Variants in PLXNA4 observed in about 807,000 individuals in gnomAD.
PLXNA4 encodes the protein plexin-A4.
A neutral mutation model predicts 191.8 loss-of-function variants in PLXNA4; 44 were observed. The ratio of observed to expected loss-of-function variants is 0.23; its 90% CI spans 0.18 to 0.29. The LOEUF (loss-of-function observed/expected upper bound fraction) is 0.29. PLXNA4 is among the 10% of genes least tolerant of loss of function. The probability of loss-of-function intolerance (pLI) is 1.00; values close to 1 mark genes in which losing one functional copy is unlikely to be tolerated. For missense variants in PLXNA4, 1,800 were observed against 2,488.8 expected (o/e 0.72, Z 5.89); for synonymous variants, 1,082 against 1,009.5 (o/e 1.07, Z -1.36).
intron 5 of PLXNA4, among the ~76,000 whole-genome samples, chr7:132,234,898 C>G (rs906632548): frequency 2.6e-5 from 4 of 152,104 alleles, no homozygotes; most frequent in African/African-American, 2.4e-5. Flanking sequence ...GTGCAAGCAG[C>G]CCTAGGAGAG....
In PLXNA4 at chr7:132,574,031, C is replaced by T. The variant is rs535872618; in HGVS notation, c.-87+2391G>A. On this transcript the variant is annotated intron_variant, in intron 1 of 31. Transcript: ENST00000321063. ...AGCCAGGAAAACGTAATGTATACTC[C>T]GCTTTACAGAGATGTTAATTAATGC... Among the ~76,000 whole-genome samples the T allele has an allele frequency of 5.9e-5, 9 of 152,290 alleles. No individual in the cohort carries two copies. In the South Asian group the frequency reaches 8.3e-4, roughly 14 times the overall value.
At chr7:132,467,644 G>A (rs1796760062) in intron 3 of PLXNA4, among the ~76,000 whole-genome samples, 1 of 152,210 alleles carries the variant, frequency 6.6e-6, no homozygotes, top group African/African-American at 2.4e-5. Flanking sequence ...CAAAGTAACT[G>A]CCAAAGATCA....
intron 5 of PLXNA4, among the ~76,000 whole-genome samples, chr7:132,231,751 G>C (rs1171897777): frequency 6.6e-6 from 1 of 152,180 alleles, no homozygotes; most frequent in Non-Finnish European, 1.5e-5. Flanking sequence ...CTCCATGACT[G>C]GCCCTTGGGG....
At chr7:132,143,759 G>A (rs762824273) in intron 29 of PLXNA4, among the ~76,000 whole-genome samples, 22 of 152,266 alleles carry the variant, frequency 1.4e-4, no homozygotes, top group African/African-American at 3.9e-4. Context: ...GGAGGAAATC[G>A]CATCACAAAG....
intron 19 of PLXNA4, 132 bp from the exon 20 acceptor site, chr7:132,180,053 A>C (rs1415465990): frequency 3.5e-6 from 5 of 1,418,040 alleles, no homozygotes; most frequent in Non-Finnish European, 4.6e-6. Flanking sequence ...GTCAAAATAG[A>C]CAAGAGGGCA....
chr7:132,173,660 C>T (rs1457404820), intron 21 of PLXNA4, among the ~76,000 whole-genome samples: 2 of 152,252 alleles, frequency 1.3e-5, no homozygotes, highest in African/African-American at 2.4e-5. Context: ...CTACTACATT[C>T]CCTTGGACAG....
At chr7:132,487,357 C>T (rs1252658796) in intron 3 of PLXNA4, among the ~76,000 whole-genome samples, 1 of 152,130 alleles carries the variant, frequency 6.6e-6, no homozygotes, top group Non-Finnish European at 1.5e-5. Flanking sequence ...TTAAAGCATC[C>T]CCCATACTGC....
intron 3 of PLXNA4, among the ~76,000 whole-genome samples, chr7:132,469,925 C>A (rs565936808): frequency 6.6e-6 from 1 of 152,256 alleles, no homozygotes; most frequent in East Asian, 1.9e-4. Context: ...GTGGTGACTC[C>A]CCTTTGGGAG....
intron 24 of PLXNA4, among the ~76,000 whole-genome samples, chr7:132,160,607 G>T (rs1241531185): frequency 2.0e-5 from 3 of 152,122 alleles, no homozygotes; most frequent in Admixed American, 1.3e-4. Context: ...AGGCAGAGAG[G>T]CTGGGCATCC....
chr7:132,155,454 C>A (rs1384315990), intron 25 of PLXNA4, among the ~76,000 whole-genome samples: 1 of 152,212 alleles, frequency 6.6e-6, no homozygotes, highest in Non-Finnish European at 1.5e-5. Flanking sequence ...AAGTGGGGAA[C>A]ATCTCCTAGG....
intron 2 of PLXNA4, among the ~76,000 whole-genome samples, chr7:132,601,053 CT>C (rs978319396): frequency 1.3e-5 from 2 of 152,160 alleles, no homozygotes; most frequent in East Asian, 3.9e-4. Flanking sequence ...TACACAGAAA[CT>C]TTTTTCTATC....
At chr7:132,243,725 T>C (rs1287242571) in intron 4 of PLXNA4, among the ~76,000 whole-genome samples, 1 of 149,904 alleles carries the variant, frequency 6.7e-6, no homozygotes, top group Admixed American at 6.7e-5. Context: ...AATGGTTTTG[T>C]AAATGGTCTG....
chr7:132,285,377 A>G (rs1800646480), intron 4 of PLXNA4, among the ~76,000 whole-genome samples: 1 of 152,196 alleles, frequency 6.6e-6, no homozygotes, highest in Non-Finnish European at 1.5e-5. Flanking sequence ...GGAGAAGGAT[A>G]TATTCTCTAC....
chr7:132,360,657 C>G (rs1210970372), intron 3 of PLXNA4, among the ~76,000 whole-genome samples: 1 of 152,162 alleles, frequency 6.6e-6, no homozygotes, highest in African/African-American at 2.4e-5. Context: ...AGAAGAGGCC[C>G]CAAACCCCCC....
intron 25 of PLXNA4, among the ~76,000 whole-genome samples, chr7:132,151,282 G>GAGGAGGAGGAAGAAGA (rs1179751095): frequency 1.3e-5 from 1 of 79,214 alleles, no homozygotes; most frequent in Admixed American, 1.4e-4. Context: ...GAAGAAGGAG[G>GAGGAGGAGGAAGAAGA]AGGAGGAGGA....
intron 4 of PLXNA4, among the ~76,000 whole-genome samples, chr7:132,280,731 C>T (rs1800449779): frequency 6.6e-6 from 1 of 152,172 alleles, no homozygotes; most frequent in Non-Finnish European, 1.5e-5. Flanking sequence ...TGAGTCTACA[C>T]AACAAACTCT....
rs540009834 is a variant in PLXNA4, at chr7:132,556,368, C to G, written c.-87+20054G>C. On this transcript the variant is annotated intron_variant, in intron 1 of 31. Transcript: ENST00000321063. ...ACTAGTTGAGGCAGACAGCAGGATCCACACTGAGCTTCAAAAACAGGCTGT... is the reference window on the plus strand; with the variant it reads ...ACTAGTTGAGGCAGACAGCAGGATCGACACTGAGCTTCAAAAACAGGCTGT... 5.9e-5 allele frequency among the ~76,000 whole-genome samples: 9 copies of G among 152,158 alleles called. No homozygotes were observed. In the South Asian group the frequency reaches 1.7e-3, roughly 28 times the overall value.
At chr7:132,228,948 C>T (rs1282756521) in intron 5 of PLXNA4, among the ~76,000 whole-genome samples, 1 of 152,208 alleles carries the variant, frequency 6.6e-6, no homozygotes, top group Non-Finnish European at 1.5e-5. Flanking sequence ...TCAAGATGCA[C>T]CTGCAATCTC....
chr7:132,465,184 A>ACC (rs35569780), intron 3 of PLXNA4, among the ~76,000 whole-genome samples: 2 of 151,204 alleles, frequency 1.3e-5, no homozygotes, highest in Admixed American at 1.3e-4. Context: ...TTCAGTCTAG[A>ACC]CCCCCCCACC....
Sources: allele counts gnomAD v4.1 joint callset (sites outside exome capture counted in the v4.1 genomes callset), GRCh38; gene constraint gnomAD v4.1.1; transcripts MANE v1.5; gene names NCBI Gene and HGNC (gene_info 2026-07-23, HGNC 2026-07-21).